The following GRIN1 variants were observed in gnomAD, a reference collection of about 807,000 sequenced individuals.
The protein encoded by GRIN1 is glutamate ionotropic receptor NMDA type subunit 1, also known as glutamate receptor ionotropic, NMDA 1.
GRIN1 carries 38 observed loss-of-function variants against 103.0 expected under a neutral mutation model. The observed-to-expected ratio is 0.37, with a 90% CI of 0.28 to 0.48. GRIN1 has a LOEUF of 0.48. Among genes scored for constraint, GRIN1 ranks in the 20% least tolerant of loss-of-function variants. GRIN1 has a pLI of 0.98. For missense variants in GRIN1, 577 were observed against 1,288.9 expected (o/e 0.45, Z 8.46); for synonymous variants, 544 against 532.7 (o/e 1.02, Z -0.29).
At position 137,158,483 on chromosome 9, in the gene GRIN1, A is replaced by T; in HGVS notation, c.1073A>T (p.Asn358Ile). ...FANYSIMNLQNRKLVQVGIYN... is the reference protein window; with the variant it reads ...FANYSIMNLQIRKLVQVGIYN... ...AACTACAGCATCATGAACCTGCAGA[A>T]CCGCAAGCTGGTGCAAGTGGGCATC... is the stretch of plus-strand genomic sequence containing the variant. Residue 358 changes from asparagine (N) to isoleucine (I), a missense_variant, in exon 7 of 20, where the codon AAC (asparagine) becomes ATC (isoleucine). Coordinates refer to ENST00000371561, the MANE Select transcript of GRIN1 (RefSeq NM_007327.4). 1 of 1,613,220 alleles carries T rather than the reference A, an allele frequency of 6.2e-7. No homozygotes were observed. Among genetic ancestry groups the T allele is most frequent in the Non-Finnish European group, 8.5e-7 (1 of 1,179,942 alleles).
chr9:137,161,883 A>G, intron 10 of GRIN1, 41 bp from the exon 11 acceptor site: 2 of 1,544,016 alleles, frequency 1.3e-6, no homozygotes, highest in Non-Finnish European at 8.7e-7. Flanking sequence ...GGGAGCTGGG[A>G]GGACGCTGCC....
At position 137,145,486 on chromosome 9, in the gene GRIN1, GGGA is replaced by G. The variant is rs1336120304; in HGVS notation, c.394-239_394-237del. The stretch of plus-strand genomic sequence containing the variant: ...TCTAGAAAGTGTCCCCAGCGGGGTG[GGGA>G]CAGGGGTGGGAGACACGAGGGGGTC... On this transcript the variant is annotated intron_variant, in intron 2 of 19. Coordinates refer to ENST00000371561, the MANE Select transcript of GRIN1 (RefSeq NM_007327.4). 1.5e-3 allele frequency among the ~76,000 whole-genome samples: 193 copies of G among 129,784 alleles called. 15 individuals carry two copies. The highest frequency in any genetic ancestry group is 6.2e-3 in the African/African-American group (188 of 30,428). The allele number at this position is 129,784 out of a possible 152,430, so 85.1% of individuals were successfully genotyped here. A position where few individuals can be genotyped will look rare whatever the true frequency, so the allele number is the denominator to read the frequency against.
At chr9:137,163,975 A>G (rs780548175) in intron 18 of GRIN1, 71 bp downstream of exon 18, 55 of 1,551,526 alleles carry the variant, frequency 3.5e-5, no homozygotes, top group Middle Eastern at 1.7e-4. Flanking sequence ...CCATCCCCGA[A>G]GGCCGTGGCA....
intron 2 of GRIN1, among the ~76,000 whole-genome samples, chr9:137,143,903 C>T (rs1832313018): frequency 6.6e-6 from 1 of 152,208 alleles, no homozygotes; most frequent in South Asian, 2.1e-4. Flanking sequence ...GGGGCAGAGC[C>T]TGCTCCACTC....
chr9:137,156,561 G>C, intron 4 of GRIN1, 108 bp from the exon 5 acceptor site: 1 of 1,472,862 alleles, frequency 6.8e-7, no homozygotes, highest in Non-Finnish European at 9.2e-7. Context: ...CTCTAGGAGG[G>C]GATGGGGGCT....
intron 2 of GRIN1, among the ~76,000 whole-genome samples, chr9:137,143,360 A>C (rs1221061478): frequency 6.6e-6 from 1 of 152,232 alleles, no homozygotes; most frequent in Non-Finnish European, 1.5e-5. Context: ...CCCCCTCGGC[A>C]CCCAAACTGC....
chr9:137,146,808 A>G lies in GRIN1; in HGVS notation c.570+906A>G, dbSNP rs1588696731. Among the ~76,000 whole-genome samples, 3 of 152,122 alleles carry G rather than the reference A, an allele frequency of 2.0e-5. No homozygotes were observed. Among genetic ancestry groups the G allele is most frequent in the Admixed American group, 6.5e-5 (1 of 15,282 alleles). On this transcript the variant is annotated intron_variant, in intron 3 of 19. Transcript: ENST00000371561. This position sits in a 1 kb window ranked among gnomAD's most constrained non-coding sequence, Gnocchi z 6.7. ...CATGTTTCGTGTCAGAGCTGGCTTC[A>G]TCGGACTTAGGGCCAACCTAGCACC...
In GRIN1 at chr9:137,161,089, G is replaced by A. The variant is rs1192506617; in HGVS notation, c.1231G>A (p.Val411Ile). Residue 411 changes from valine to isoleucine, a missense_variant, in exon 9 of 20, where the codon GTC becomes ATC. Transcript: ENST00000371561. ...GATCCACCAGGAGCCCTTCGTGTAC[G>A]TCAAGCCCACGCTGAGTGATGGGAC... ...VTIHQEPFVY[V>I]KPTLSDGTCK... is the part of the protein sequence containing the mutation. 2 of 1,612,966 alleles carry A rather than the reference G, an allele frequency of 1.2e-6. No homozygotes were observed. Among genetic ancestry groups the A allele is most frequent in the Non-Finnish European group, 1.7e-6 (2 of 1,179,928 alleles).
In GRIN1 at chr9:137,156,713, A is replaced by G; in HGVS notation, c.716A>G (p.Asn239Ser). ...GTATACCGCGCAGCCGCGATGCTGA[A>G]CATGACGGGCTCCGGGTACGTGTGG... ...ATVYRAAAML[N>S]MTGSGYVWLV... Residue 239 changes from asparagine (N) to serine (S), a missense_variant, in exon 5 of 20, where the codon AAC becomes AGC. By Grantham distance (46) the Asn-to-Ser change is conservative. Around this residue, in one of 9 missense-constraint regions of GRIN1, gnomAD observed 308 missense variants for 553.6 expected, o/e 0.56. Coordinates refer to ENST00000371561, the MANE Select transcript of GRIN1 (RefSeq NM_007327.4). 6.3e-7 allele frequency: 1 copy of G among 1,594,460 alleles called. No homozygotes were observed. The highest frequency in any genetic ancestry group is 8.5e-7 in the Non-Finnish European group (1 of 1,171,508).
chr9:137,139,462 A>C lies in GRIN1; in HGVS notation c.-25A>C. The C allele has an allele frequency of 3.9e-6, 6 of 1,522,652 alleles. No homozygotes were observed. The highest frequency in any genetic ancestry group is 5.3e-6 in the Non-Finnish European group (6 of 1,135,242). 94.3% of individuals were successfully genotyped at this position (1,522,652 alleles called of 1,614,324 possible). ...CGAGGGCCCCGCGTTCGCGCCGCGC[A>C]GAGCCAGGCCCGCGGCCCGAGCCCA... On this transcript the variant is annotated 5_prime_UTR_variant, in exon 1 of 20. Transcript: ENST00000371561. The surrounding 1 kb of genome is among the most constrained non-coding windows in gnomAD (Gnocchi z 7.7).
chr9:137,167,623 CG>C lies in GRIN1; in HGVS notation c.*100del. On this transcript the variant is annotated 3_prime_UTR_variant, in exon 20 of 20. Coordinates refer to ENST00000371561, the MANE Select transcript of GRIN1 (RefSeq NM_007327.4). ...GCCCACGCAGAGCCCCGGAGCACCACGGGGTCGGGGGAGGAGCACCCCCAGC... is the reference window on the plus strand; with the variant it reads ...GCCCACGCAGAGCCCCGGAGCACCACGGGTCGGGGGAGGAGCACCCCCAGC... 6 of 1,515,990 alleles carry C rather than the reference CG, an allele frequency of 4.0e-6. No individual in the cohort carries two copies. The highest frequency in any genetic ancestry group is 5.3e-6 in the Non-Finnish European group (6 of 1,129,918). 93.9% of individuals were successfully genotyped at this position (1,515,990 alleles called of 1,614,324 possible).
At position 137,139,818 on chromosome 9, in the gene GRIN1, ATCCTT is replaced by A; in HGVS notation, c.258+78_258+82del. The A allele has an allele frequency of 8.5e-7, 1 of 1,182,914 alleles. No homozygotes were observed. Among genetic ancestry groups the A allele is most frequent in the Non-Finnish European group, 1.2e-6 (1 of 801,216 alleles). 73.3% of individuals were successfully genotyped at this position (1,182,914 alleles called of 1,614,324 possible). On this transcript the variant is annotated intron_variant, in intron 1 of 19. Transcript: ENST00000371561. The surrounding 1 kb of genome is among the most constrained non-coding windows in gnomAD (Gnocchi z 7.7). ...AACCCCACACCCCCAGTTTCATTCC[ATCCTT>A]TCCGTGCCCCCTTCCTCCCTGTAAG...
At chr9:137,165,550 GACCCACACGCCAT>G (rs1262739377) in intron 19 of GRIN1, 1 of 536,512 alleles carries the variant, frequency 1.9e-6, no homozygotes. Flanking sequence ...CCCCTGCCAT[GACCCACACGCCAT>G]CTTGAAGCCT....
At chr9:137,164,412 C>A in intron 18 of GRIN1, 1 of 224,904 alleles carries the variant, frequency 4.4e-6, no homozygotes, top group East Asian at 1.1e-4. Flanking sequence ...TTGCCACCAG[C>A]AAGGGCAGCC....
At chr9:137,149,871 C>T (rs1227544499) in intron 4 of GRIN1, among the ~76,000 whole-genome samples, 2 of 152,176 alleles carry the variant, frequency 1.3e-5, no homozygotes, top group Non-Finnish European at 2.9e-5. Context: ...CACAGCCCAG[C>T]CCTCCAGCCC....
Position 137,167,667 on chromosome 9 carries a change from T to TGCCC in GRIN1, c.*148_*151dup. ...CCCCCAGCCTCCCCCAGGCTGCGCCTGCCCGCCCGCCGGTTGGCCGGCTGG... is the reference window on the plus strand; with the variant it reads ...CCCCCAGCCTCCCCCAGGCTGCGCCTGCCCGCCCGCCCGCCGGTTGGCCGGCTGG... On this transcript the variant is annotated 3_prime_UTR_variant, in exon 20 of 20. Coordinates refer to ENST00000371561, the MANE Select transcript of GRIN1 (RefSeq NM_007327.4). The TGCCC allele has an allele frequency of 6.5e-7, 1 of 1,530,174 alleles. No individual in the cohort carries two copies. Among genetic ancestry groups the TGCCC allele is most frequent in the Non-Finnish European group, 8.8e-7 (1 of 1,139,474 alleles). The allele number at this position is 1,530,174 out of a possible 1,614,324, so 94.8% of individuals were successfully genotyped here.
At chr9:137,145,464 AGAAAGTGTCCCCAGCGGGGTG>A in intron 2 of GRIN1, among the ~76,000 whole-genome samples, 2 of 127,508 alleles carry the variant, frequency 1.6e-5, no homozygotes, top group African/African-American at 3.3e-5. Context: ...CCCAGAGTCT[AGAAAGTGTCCCCAGCGGGGTG>A]GGGACAGGGG....
intron 4 of GRIN1, among the ~76,000 whole-genome samples, chr9:137,149,467 TAGGCCCAGGGA>T (rs1832718706): frequency 6.6e-6 from 1 of 152,168 alleles, no homozygotes; most frequent in Admixed American, 6.5e-5. Flanking sequence ...GGCCAGGGAC[TAGGCCCAGGGA>T]AGTGATGTGC....
At chr9:137,157,620 C>A (rs1271724867) in intron 6 of GRIN1, among the ~76,000 whole-genome samples, 1 of 152,190 alleles carries the variant, frequency 6.6e-6, no homozygotes, top group East Asian at 1.9e-4. Flanking sequence ...CCTTAGACAG[C>A]CAGGGTTGGC....
Sources: allele counts gnomAD v4.1 joint callset (sites outside exome capture counted in the v4.1 genomes callset), GRCh38; gene constraint gnomAD v4.1.1; regional missense constraint gnomAD v4.1.1; non-coding constraint Gnocchi (gnomAD v3.1); transcripts MANE v1.5; gene names NCBI Gene and HGNC (gene_info 2026-07-23, HGNC 2026-07-21).